RBMS3: variants seen among roughly 807,000 people sequenced by gnomAD.
The protein encoded by RBMS3 is RNA binding motif single stranded interacting protein 3, also known as RNA-binding motif, single-stranded-interacting protein 3.
Under a neutral mutation model 66.8 loss-of-function variants are expected in RBMS3, and 27 were observed. The observed-to-expected ratio is 0.40, with a 90% CI of 0.30 to 0.56. RBMS3 has a LOEUF of 0.56. Ranked by LOEUF, RBMS3 falls within the 20% of genes least tolerant of loss-of-function variation. RBMS3 has a pLI of 0.40. For missense variants in RBMS3, 513 were observed against 549.5 expected, an observed-to-expected ratio of 0.93 and a Z score of 0.66; for synonymous variants, 188 against 183.0, an observed-to-expected ratio of 1.03 and a Z score of -0.22.
chr3:29,372,045 G>A (rs1478721379), intron 1 of RBMS3, among the ~76,000 whole-genome samples: 2 of 152,122 alleles, frequency 1.3e-5, no homozygotes, highest in Non-Finnish European at 2.9e-5. Context: ...TAGCCAAAAG[G>A]CACCTGGTAA....
chr3:29,790,941 C>A (rs1156919092), intron 6 of RBMS3, among the ~76,000 whole-genome samples: 1 of 152,118 alleles, frequency 6.6e-6, no homozygotes, highest in Non-Finnish European at 1.5e-5. Flanking sequence ...ACTCTGCAGA[C>A]CCATTCTATT....
intron 4 of RBMS3, among the ~76,000 whole-genome samples, chr3:29,700,874 G>A (rs976413040): frequency 3.5e-5 from 5 of 142,442 alleles, no homozygotes; most frequent in Admixed American, 7.1e-5. Flanking sequence ...GTGTGTGTTC[G>A]TGTGCATGTG....
chr3:29,926,940 C>G (rs1244912265), intron 10 of RBMS3: 1 of 152,162 alleles, frequency 6.6e-6, no homozygotes, highest in South Asian at 2.1e-4. Flanking sequence ...CATGGCATAG[C>G]AAAGTCCTAA....
At chr3:29,937,622 G>T (rs888286306) in intron 11 of RBMS3, among the ~76,000 whole-genome samples, 1 of 151,902 alleles carries the variant, frequency 6.6e-6, no homozygotes, top group African/African-American at 2.4e-5. Context: ...AAAAGCAGTC[G>T]ATGGTAACTT....
In RBMS3 at chr3:29,936,160, G is replaced by A. The variant is rs2061260375; in HGVS notation, c.1014G>A (p.Gln338=). The stretch of plus-strand genomic sequence containing the variant: ...CCAACATGATGGGCCCACTGACACA[G>A]CAGATGAATCACCTTTCGTTGGGCA... The part of the protein sequence containing the change: ...QPANMMGPLT[Q]QMNHLSLGTT... Residue 338 remains glutamine, a synonymous_variant, in exon 11 of 15, where the codon CAG becomes CAA. Coordinates refer to ENST00000383767, the MANE Select transcript of RBMS3 (RefSeq NM_001003793.3). The A allele has an allele frequency of 6.2e-7, 1 of 1,613,138 alleles. No homozygotes were observed. Among genetic ancestry groups the A allele is most frequent in the Admixed American group, 1.7e-5 (1 of 59,870 alleles).
At chr3:29,502,259 G>A (rs1044875557) in intron 3 of RBMS3, among the ~76,000 whole-genome samples, 5 of 151,828 alleles carry the variant, frequency 3.3e-5, no homozygotes, top group East Asian at 1.9e-4. Flanking sequence ...ATTATTATTC[G>A]CATTTTACTC....
chr3:29,455,212 T>G (rs2042145369), intron 2 of RBMS3, among the ~76,000 whole-genome samples: 1 of 152,214 alleles, frequency 6.6e-6, no homozygotes, highest in African/African-American at 2.4e-5. Context: ...GTTTTCACCC[T>G]GTGTTCTAGT....
intron 2 of RBMS3, among the ~76,000 whole-genome samples, chr3:29,451,191 TTCCAC>T (rs771965860): frequency 2.0e-4 from 30 of 152,232 alleles, no homozygotes; most frequent in Non-Finnish European, 3.5e-4. Flanking sequence ...AAGAAATGCA[TTCCAC>T]AGAACCAACA....
intron 2 of RBMS3, among the ~76,000 whole-genome samples, chr3:29,442,558 G>A (rs967686260): frequency 1.3e-5 from 2 of 152,126 alleles, no homozygotes; most frequent in African/African-American, 4.8e-5. Context: ...GTAAAAAGAT[G>A]TGATCAACTC....
At chr3:29,363,938 A>C (rs2037755472) in intron 1 of RBMS3, among the ~76,000 whole-genome samples, 1 of 152,190 alleles carries the variant, frequency 6.6e-6, no homozygotes, top group East Asian at 1.9e-4. Context: ...ATGAGCAGAA[A>C]CAGTTACTTT....
intron 4 of RBMS3, among the ~76,000 whole-genome samples, chr3:29,664,513 C>A (rs2050678262): frequency 1.3e-5 from 2 of 151,808 alleles, no homozygotes; most frequent in African/African-American, 4.8e-5. Context: ...AGTGACAAGT[C>A]ATTTACTATG....
intron 3 of RBMS3, among the ~76,000 whole-genome samples, chr3:29,489,431 A>T (rs2043444020): frequency 6.6e-6 from 1 of 152,108 alleles, no homozygotes; most frequent in African/African-American, 2.4e-5. Context: ...ACATATTACA[A>T]GACAAAGAAT....
intron 2 of RBMS3, among the ~76,000 whole-genome samples, chr3:29,461,715 T>C (rs1314972518): frequency 1.3e-5 from 2 of 152,046 alleles, no homozygotes; most frequent in East Asian, 3.9e-4. Context: ...CTTGTAAATT[T>C]TGGGTAAGAT....
intron 12 of RBMS3, among the ~76,000 whole-genome samples, chr3:29,980,690 A>T (rs1425404471): frequency 6.6e-6 from 1 of 152,186 alleles, no homozygotes; most frequent in Non-Finnish European, 1.5e-5. Context: ...TAAATAGGGA[A>T]TCCTTTCCCC....
chr3:29,668,400 G>A (rs1397642144), intron 4 of RBMS3, among the ~76,000 whole-genome samples: 1 of 152,144 alleles, frequency 6.6e-6, no homozygotes, highest in Non-Finnish European at 1.5e-5. Flanking sequence ...GCCTAGGCTG[G>A]CCCTGCCATT....
chr3:29,444,409 T>C (rs760259222), intron 2 of RBMS3, among the ~76,000 whole-genome samples: 1 of 151,974 alleles, frequency 6.6e-6, no homozygotes, highest in Non-Finnish European at 1.5e-5. Context: ...CCATGATCCA[T>C]ACATAGGGAG....
intron 4 of RBMS3, among the ~76,000 whole-genome samples, chr3:29,587,465 C>T (rs1029061425): frequency 1.3e-5 from 2 of 151,418 alleles, no homozygotes; most frequent in African/African-American, 4.9e-5. Flanking sequence ...GTTTCTTTGC[C>T]TATATTTATT....
chr3:29,433,458 AC>A (rs2041284168), intron 1 of RBMS3, among the ~76,000 whole-genome samples: 1 of 152,178 alleles, frequency 6.6e-6, no homozygotes, highest in African/African-American at 2.4e-5. Context: ...ACAGATACAA[AC>A]CATGAATATT....
At chr3:29,543,113 A>G (rs2045826652) in intron 3 of RBMS3, among the ~76,000 whole-genome samples, 1 of 152,192 alleles carries the variant, frequency 6.6e-6, no homozygotes, top group Admixed American at 6.5e-5. Flanking sequence ...GCAGAGTGAA[A>G]GCCATGTTTC....
Sources: gnomAD v4.1 joint callset for allele counts (sites outside exome capture counted in the v4.1 genomes callset) on GRCh38, gnomAD v4.1.1 for gene constraint, MANE v1.5 for transcripts, NCBI Gene and HGNC (gene_info 2026-07-23, HGNC 2026-07-21) for gene names.